Variants in SRMS observed in about 807,000 individuals in gnomAD.
SRMS encodes the protein tyrosine-protein kinase Srms.
A neutral mutation model predicts 43.5 loss-of-function variants in SRMS; 42 were observed. That is an observed-to-expected ratio of 0.97 (90% CI 0.75 to 1.25). SRMS has a LOEUF of 1.25. Ranked by LOEUF, SRMS falls within the 50% of genes most tolerant of loss-of-function variation. The probability of loss-of-function intolerance (pLI) is 0.00; values close to 1 mark genes in which losing one functional copy is unlikely to be tolerated. For synonymous variants in SRMS, 316 were observed against 308.2 expected (o/e 1.03, Z -0.27); for missense variants, 703 against 681.0 (o/e 1.03, Z -0.36).
At chr20:63,541,083 G>T in intron 7 of SRMS, 84 bp from the exon 8 acceptor site, 2 of 1,585,576 alleles carry the variant, frequency 1.3e-6, no homozygotes, top group South Asian at 2.2e-5. Flanking sequence ...CATGTCATCT[G>T]CCTGCCCTTG....
rs544758833 is a variant in SRMS at position 63,542,223 on chromosome 20, C to G, written c.886G>C (p.Glu296Gln). The G allele has an allele frequency of 2.5e-6, 4 of 1,612,656 alleles. No homozygotes were observed. Among genetic ancestry groups the G allele is most frequent in the Non-Finnish European group, 2.5e-6 (3 of 1,179,712 alleles). Residue 296 changes from glutamate (E) to glutamine (Q), a missense_variant, in exon 5 of 8, where the codon GAG (glutamate) becomes CAG (glutamine). Coordinates refer to ENST00000217188, the MANE Select transcript of SRMS (RefSeq NM_080823.4). ...AGTTCCGTGACGATGTACACAGGCTCCCCGCCCGAGCACACTGCGTGCAGC... is the reference window on the plus strand; with the variant it reads ...AGTTCCGTGACGATGTACACAGGCTGCCCGCCCGAGCACACTGCGTGCAGC... ...IRLHAVCSGG[E>Q]PVYIVTELMR...
intron 2 of SRMS, among the ~76,000 whole-genome samples, chr20:63,543,981 G>T (rs1234396887): frequency 1.8e-5 from 2 of 113,206 alleles, no homozygotes; most frequent in Non-Finnish European, 3.5e-5. Flanking sequence ...ATGAATGAAT[G>T]AGTGAATTAG....
intron 1 of SRMS, among the ~76,000 whole-genome samples, chr20:63,544,908 G>A (rs962303999): frequency 1.8e-4 from 27 of 152,224 alleles, no homozygotes; most frequent in Admixed American, 2.6e-4. Flanking sequence ...GCCAGTGGGC[G>A]GCTGCAGGGG....
chr20:63,544,185 G>T, intron 2 of SRMS, 42 bp downstream of exon 2: 1 of 1,403,524 alleles, frequency 7.1e-7, no homozygotes, highest in South Asian at 1.6e-5. Context: ...AAGGGCCACT[G>T]ACCTGGTGGG....
chr20:63,544,192 T>TG, intron 2 of SRMS, 35 bp downstream of exon 2: 1 of 1,415,326 alleles, frequency 7.1e-7, no homozygotes, highest in Non-Finnish European at 9.2e-7. Context: ...ACTGACCTGG[T>TG]GGGGGACAGA....
chr20:63,542,804 G>A (rs1310732535), intron 3 of SRMS, among the ~76,000 whole-genome samples: 1 of 152,154 alleles, frequency 6.6e-6, no homozygotes, highest in East Asian at 1.9e-4. Flanking sequence ...GCCCCAGCCG[G>A]ATATCCGTCT....
chr20:63,547,610 G>C lies in SRMS; in HGVS notation c.-147C>G, dbSNP rs2082741302. The C allele has an allele frequency of 5.6e-6, 4 of 719,792 alleles. No individual in the cohort carries two copies. Among genetic ancestry groups the C allele is most frequent in the Non-Finnish European group, 8.5e-6 (4 of 470,680 alleles). 44.6% of individuals were successfully genotyped at this position (719,792 alleles called of 1,614,324 possible). ...GACCCCGGCCCTGCGGTCACTCAGA[G>C]GTCCCCTGGATCCAGGAGGCACACG... On this transcript the variant is annotated 5_prime_UTR_variant, in exon 1 of 8. Coordinates refer to ENST00000217188, the MANE Select transcript of SRMS (RefSeq NM_080823.4).
chr20:63,544,133 A>C, intron 2 of SRMS, 94 bp downstream of exon 2: 1 of 1,325,802 alleles, frequency 7.5e-7, no homozygotes, highest in Non-Finnish European at 9.6e-7. Context: ...CCGGGTGTGA[A>C]TCAGGAGCCA....
intron 5 of SRMS, 100 bp from the exon 6 acceptor site, chr20:63,541,720 C>G (rs1049932512): frequency 2.2e-5 from 30 of 1,354,910 alleles, no homozygotes; most frequent in South Asian, 7.7e-5. Context: ...GCCTCCTCAT[C>G]TCTAAGACGT....
At position 63,541,433 on chromosome 20, in the gene SRMS, G is replaced by T; in HGVS notation, c.1128+6C>A. 6.3e-7 allele frequency: 1 copy of T among 1,596,448 alleles called. No homozygotes were observed. ...TCTGGGTCAGGGGCCCAGAGCCTCC[G>T]CTGACCTTGAGCAGCCGGGCCAGGC... On this transcript the variant is annotated splice_donor_region_variant and intron_variant, in intron 6 of 7. Transcript: ENST00000217188.
In SRMS at chr20:63,541,512, G is replaced by A. The variant is rs868282438; in HGVS notation, c.1055C>T (p.Ala352Val). ...GTCGTCCACGAGCACGTTCCGGGCG[G>A]CCAAGTCCCGGTGCACAACGCGCTG... The part of the protein sequence containing the change: ...EEQRVVHRDL[A>V]ARNVLVDDGL... Residue 352 changes from alanine to valine, a missense_variant, in exon 6 of 8, where the codon GCC (alanine) becomes GTC (valine). Ala to Val is a moderately conservative substitution (Grantham distance 64). Transcript: ENST00000217188. 6.2e-7 allele frequency: 1 copy of A among 1,605,696 alleles called. No individual in the cohort carries two copies.
intron 1 of SRMS, among the ~76,000 whole-genome samples, chr20:63,545,675 A>G (rs2082727251): frequency 6.6e-6 from 1 of 152,140 alleles, no homozygotes; most frequent in Non-Finnish European, 1.5e-5. Flanking sequence ...GAAGGGAATG[A>G]AGATGGAGAC....
intron 1 of SRMS, 41 bp downstream of exon 1, chr20:63,547,067 G>C: frequency 6.7e-7 from 1 of 1,482,120 alleles, no homozygotes; most frequent in Non-Finnish European, 9.0e-7. Flanking sequence ...CTCCCCAGCT[G>C]GGGGCGAGGC....
Position 63,544,884 on chromosome 20 carries a change from G to A in SRMS, c.357-536C>T, listed in dbSNP as rs530434001. 4.0e-3 allele frequency among the ~76,000 whole-genome samples: 609 copies of A among 152,336 alleles called. 2 individuals carry two copies. The highest frequency in any genetic ancestry group is 6.2e-3 in the Non-Finnish European group (421 of 68,024). The stretch of plus-strand genomic sequence containing the variant: ...GCAGCCTAAGCCAGGCTGTGCAGGA[G>A]GTCAGGAGGGGCAGCCAGTGGGCGG... On this transcript the variant is annotated intron_variant, in intron 1 of 7. Coordinates refer to ENST00000217188, the MANE Select transcript of SRMS (RefSeq NM_080823.4).
intron 2 of SRMS, 137 bp from the exon 3 acceptor site, chr20:63,543,617 G>T: frequency 1.9e-6 from 2 of 1,076,510 alleles, no homozygotes; most frequent in Non-Finnish European, 2.6e-6. Flanking sequence ...GGTCAGAGCT[G>T]TGTGGAGGAG....
chr20:63,547,371 G>A lies in SRMS; in HGVS notation c.93C>T (p.Pro31=), dbSNP rs754877030. The A allele has an allele frequency of 1.8e-5, 28 of 1,574,814 alleles. No individual in the cohort carries two copies. Among genetic ancestry groups the A allele is most frequent in the East Asian group, 4.7e-5 (2 of 42,312 alleles). ...PAGGEPDHGT[P]GSLDPNTDPV... ...GGTCAGTGTTGGGGTCCAGGGACCC[G>A]GGGGTGCCATGGTCCGGCTCGCCGC... The change falls in exon 1 of 8, where the codon CCC becomes CCT. Residue 31 remains proline, a synonymous_variant. Transcript: ENST00000217188.
intron 5 of SRMS, 98 bp from the exon 6 acceptor site, chr20:63,541,718 A>C: frequency 1.3e-5 from 18 of 1,356,180 alleles, no homozygotes; most frequent in East Asian, 7.7e-5. Context: ...CAGCCTCCTC[A>C]TCTCTAAGAC....
At position 63,542,312 on chromosome 20, in the gene SRMS, T is replaced by C. The variant is rs769590737; in HGVS notation, c.797A>G (p.Lys266Arg). The C allele has an allele frequency of 5.0e-6, 8 of 1,608,816 alleles. No homozygotes were observed. The highest frequency in any genetic ancestry group is 6.8e-6 in the Non-Finnish European group (8 of 1,176,754). Residue 266 changes from lysine to arginine, a missense_variant, in exon 5 of 8, where the codon AAG becomes AGG. By Grantham distance (26) the Lys-to-Arg change is conservative (BLOSUM62 2). Coordinates refer to ENST00000217188, the MANE Select transcript of SRMS (RefSeq NM_080823.4). The stretch of plus-strand genomic sequence containing the variant: ...GATCTCCTTGGCGAGGTCAGTGAGC[T>C]TCATGTTGGCTGCGAGAGAGGGTGT... ...AIKVIKSANM[K>R]LTDLAKEIQT... is the part of the protein sequence containing the mutation.
rs567092042 is a variant in SRMS, at chr20:63,547,041, C to T, written c.356+67G>A. 63 of 1,369,624 alleles carry T rather than the reference C, an allele frequency of 4.6e-5. No individual in the cohort carries two copies. In the African/African-American group the frequency reaches 8.4e-4, roughly 18 times the overall value. The allele number at this position is 1,369,624 out of a possible 1,614,324, so 84.8% of individuals were successfully genotyped here. ...GACATGCGATTTCCAACTCAAAATC[C>T]TGCCGTTGTTCTGGACTCCCCAGCT... On this transcript the variant is annotated intron_variant, in intron 1 of 7. Transcript: ENST00000217188.
Sources: allele counts gnomAD v4.1 joint callset (sites outside exome capture counted in the v4.1 genomes callset), GRCh38; gene constraint gnomAD v4.1.1; transcripts MANE v1.5; gene names NCBI Gene and HGNC (gene_info 2026-07-23, HGNC 2026-07-21).